Variants in TMEM200B observed in about 807,000 individuals in gnomAD.
TMEM200B encodes transmembrane protein TTMA.
A neutral mutation model predicts 17.6 loss-of-function variants in TMEM200B; 12 were observed. The ratio of observed to expected loss-of-function variants is 0.68; its 90% CI spans 0.44 to 1.11. TMEM200B has a LOEUF of 1.11. Among genes scored for constraint, TMEM200B ranks in the 50% least tolerant of loss-of-function variants. The probability of loss-of-function intolerance (pLI) is 0.00; values close to 1 mark genes in which losing one functional copy is unlikely to be tolerated. For synonymous variants in TMEM200B, 234 were observed against 209.2 expected (o/e 1.12, Z -1.02); for missense variants, 456 against 447.6 (o/e 1.02, Z -0.17).
Position 29,120,922 on chromosome 1 carries a change from A to C in TMEM200B, c.907T>G (p.Leu303Val), listed in dbSNP as rs1671735387. Residue 303 changes from leucine to valine, a missense_variant, in exon 2 of 2, where the codon TTG becomes GTG. Leu to Val is a conservative substitution (Grantham distance 32). Transcript: ENST00000521452. ...CCCTCTCTTCAGACCCGGGCCCCCAAGTCCCCTCCTCCTCCCAATTTGGCA... is the reference window on the plus strand; with the variant it reads ...CCCTCTCTTCAGACCCGGGCCCCCACGTCCCCTCCTCCTCCCAATTTGGCA... ...GYAKLGGGGD[L>V]GARV 1 of 1,606,092 alleles carries C rather than the reference A, an allele frequency of 6.2e-7. No homozygotes were observed. Among genetic ancestry groups the C allele is most frequent in the Non-Finnish European group, 8.5e-7 (1 of 1,175,310 alleles).
Position 29,121,018 on chromosome 1 carries a change from CAAG to C in TMEM200B, c.808_810del (p.Leu270del), listed in dbSNP as rs1165927330. On this transcript the variant is annotated inframe_deletion, in exon 2 of 2. Coordinates refer to ENST00000521452, the MANE Select transcript of TMEM200B (RefSeq NM_001003682.4). This position sits in a 1 kb window ranked among gnomAD's most constrained non-coding sequence, Gnocchi z 5.6. ...GCACAGTCCCGAGCTGCTGGGGCCC[CAAG>C]GAGGAGCTCCCCAAGGCCCAGATCC... The C allele has an allele frequency of 1.9e-6, 3 of 1,613,630 alleles. No homozygotes were observed. Among genetic ancestry groups the C allele is most frequent in the South Asian group, 2.2e-5 (2 of 91,092 alleles).
At position 29,121,192 on chromosome 1, in the gene TMEM200B, G is replaced by T; in HGVS notation, c.637C>A (p.Pro213Thr). 6.2e-7 allele frequency: 1 copy of T among 1,613,486 alleles called. No homozygotes were observed. The highest frequency in any genetic ancestry group is 8.5e-7 in the Non-Finnish European group (1 of 1,180,012). ...AGCAAGGCAGGTAACCCCAAGCGAG[G>T]ATTAGCGGGCTCTGAACGCAGACTC... Reference protein sequence around the residue: ...VRSLRSEPANPRLGLPALLNS... With the variant: ...VRSLRSEPANTRLGLPALLNS... Residue 213 changes from proline to threonine, a missense_variant, in exon 2 of 2, where the codon CCT becomes ACT. Physicochemically the swap from Pro to Thr is conservative, Grantham distance 38 (BLOSUM62 -1). Coordinates refer to ENST00000521452, the MANE Select transcript of TMEM200B (RefSeq NM_001003682.4). This position sits in a 1 kb window ranked among gnomAD's most constrained non-coding sequence, Gnocchi z 5.6.
chr1:29,121,324 G>A lies in TMEM200B; in HGVS notation c.505C>T (p.Leu169Phe), dbSNP rs763080901. 1.3e-5 allele frequency: 20 copies of A among 1,590,296 alleles called. No individual in the cohort carries two copies. The highest frequency in any genetic ancestry group is 1.3e-4 in the Admixed American group (7 of 55,916). Reference sequence around the variant, plus strand: ...CTCCTAGGGCCGGGGCTGGGAAGGAGGGCGCAGTCCCAGCCCGGGCCGTCG... The same window carrying A: ...CTCCTAGGGCCGGGGCTGGGAAGGAAGGCGCAGTCCCAGCCCGGGCCGTCG... ...PPDGPGWDCALLPSPGPRSPR... is the reference protein window; with the variant it reads ...PPDGPGWDCAFLPSPGPRSPR... The change falls in exon 2 of 2, where the codon CTC becomes TTC. Residue 169 changes from leucine (L) to phenylalanine (F), a missense_variant. By Grantham distance (22) the Leu-to-Phe change is conservative. Transcript: ENST00000521452. This position sits in a 1 kb window ranked among gnomAD's most constrained non-coding sequence, Gnocchi z 5.6.
Position 29,123,322 on chromosome 1 carries a change from A to T in TMEM200B, c.-21+534T>A, listed in dbSNP as rs550897951. Among the ~76,000 whole-genome samples, 19 of 152,250 alleles carry T rather than the reference A, an allele frequency of 1.2e-4. No homozygotes were observed. In the Middle Eastern group the frequency reaches 0.014, roughly 109 times the overall value. Reference sequence around the variant, plus strand: ...CTAGGCGGGGGCTCTGCCAGGTCCGACGCCGGGCTCCGGGGCCCCAGCCCT... The same window carrying T: ...CTAGGCGGGGGCTCTGCCAGGTCCGTCGCCGGGCTCCGGGGCCCCAGCCCT... On this transcript the variant is annotated intron_variant, in intron 1 of 1. Coordinates refer to ENST00000521452, the MANE Select transcript of TMEM200B (RefSeq NM_001003682.4).
At chr1:29,122,405 C>A (rs1440862975) in intron 1 of TMEM200B, 1 of 152,600 alleles carries the variant, frequency 6.6e-6, no homozygotes, top group Non-Finnish European at 1.5e-5. Flanking sequence ...CCAGCCTCTC[C>A]CTGCCCGCCC....
Position 29,119,434 on chromosome 1 carries a change from T to G in TMEM200B, c.*1471A>C, listed in dbSNP as rs1050060645. On this transcript the variant is annotated 3_prime_UTR_variant, in exon 2 of 2. Coordinates refer to ENST00000521452, the MANE Select transcript of TMEM200B (RefSeq NM_001003682.4). ...CTCAGACACACCACAGTAACAACTC[T>G]CGCTGCAATTTTATTTTAATTTGAG... 2.9e-4 allele frequency: 44 copies of G among 152,614 alleles called. No individual in the cohort carries two copies. Among genetic ancestry groups the G allele is most frequent in the African/African-American group, 1.0e-3 (42 of 41,450 alleles). The allele number at this position is 152,614 out of a possible 1,614,324, so 9.5% of individuals were successfully genotyped here.
chr1:29,121,668 G>GC lies in TMEM200B; in HGVS notation c.160dup (p.Ala54GlyfsTer85). ...CACGAGCGCCCCCAGCGCCGCGAAC[G>GC]CCCCCGACGGCGAGCGCAGCCGCAG... On this transcript the variant is annotated frameshift_variant, in exon 2 of 2. Coordinates refer to ENST00000521452, the MANE Select transcript of TMEM200B (RefSeq NM_001003682.4). LOFTEE classifies it high-confidence loss of function. The surrounding 1 kb of genome is among the most constrained non-coding windows in gnomAD (Gnocchi z 5.6). 7.2e-7 allele frequency: 1 copy of GC among 1,383,946 alleles called. No homozygotes were observed. The highest frequency in any genetic ancestry group is 9.3e-7 in the Non-Finnish European group (1 of 1,070,982). The allele number at this position is 1,383,946 out of a possible 1,614,324, so 85.7% of individuals were successfully genotyped here. A position where few individuals can be genotyped will look rare whatever the true frequency, so the allele number is the denominator to read the frequency against.
At position 29,121,650 on chromosome 1, in the gene TMEM200B, GC is replaced by G. The variant is rs759155419; in HGVS notation, c.178del (p.Ala60ArgfsTer35). The G allele has an allele frequency of 5.6e-6, 8 of 1,429,904 alleles. No individual in the cohort carries two copies. The highest frequency in any genetic ancestry group is 6.4e-6 in the Non-Finnish European group (7 of 1,096,244). 88.6% of individuals were successfully genotyped at this position (1,429,904 alleles called of 1,614,324 possible). On this transcript the variant is annotated frameshift_variant, in exon 2 of 2. Coordinates refer to ENST00000521452, the MANE Select transcript of TMEM200B (RefSeq NM_001003682.4). LOFTEE classifies it high-confidence loss of function. The surrounding 1 kb of genome is among the most constrained non-coding windows in gnomAD (Gnocchi z 5.6). ...SPSGAFAALG[A>X]LVVLVGMGIA... ...GCCCATACCCACCAGTACCACGAGC[GC>G]CCCCAGCGCCGCGAACGCCCCCGAC...
At position 29,121,986 on chromosome 1, in the gene TMEM200B, G is replaced by T; in HGVS notation, c.-20-138C>A. On this transcript the variant is annotated intron_variant, in intron 1 of 1. Transcript: ENST00000521452. This position sits in a 1 kb window ranked among gnomAD's most constrained non-coding sequence, Gnocchi z 5.6. Reference sequence around the variant, plus strand: ...TTGGAGATCCCTGGCGGCCACCCCCGGATTTTCCCGGGCGGCGAGGCGGGG... The same window carrying T: ...TTGGAGATCCCTGGCGGCCACCCCCTGATTTTCCCGGGCGGCGAGGCGGGG... The T allele has an allele frequency of 1.5e-6, 1 of 646,284 alleles. No individual in the cohort carries two copies. The highest frequency in any genetic ancestry group is 2.1e-6 in the Non-Finnish European group (1 of 481,128). 40.0% of individuals were successfully genotyped at this position (646,284 alleles called of 1,614,324 possible).
Position 29,121,583 on chromosome 1 carries a change from T to G in TMEM200B, c.246A>C (p.Pro82=). 1 of 1,488,626 alleles carries G rather than the reference T, an allele frequency of 6.7e-7. No individual in the cohort carries two copies. The highest frequency in any genetic ancestry group is 2.7e-5 in the East Asian group (1 of 36,472). The allele number at this position is 1,488,626 out of a possible 1,614,324, so 92.2% of individuals were successfully genotyped here. ...AGYWPHRAGA[P]GSRAANASSP... ...AGCTGGCATTGGCGGCCCGGGACCC[T>G]GGGGCCCCGGCCCGGTGCGGCCAGT... is the stretch of plus-strand genomic sequence containing the variant. The change falls in exon 2 of 2, where the codon CCA becomes CCC. Residue 82 remains proline, a synonymous_variant. Transcript: ENST00000521452. The surrounding 1 kb of genome is among the most constrained non-coding windows in gnomAD (Gnocchi z 5.6).
chr1:29,120,600 A>T lies in TMEM200B; in HGVS notation c.*305T>A. 1 of 384,892 alleles carries T rather than the reference A, an allele frequency of 2.6e-6. No homozygotes were observed. Among genetic ancestry groups the T allele is most frequent in the African/African-American group, 2.0e-5 (1 of 49,880 alleles). The allele number at this position is 384,892 out of a possible 1,614,324, so 23.8% of individuals were successfully genotyped here. On this transcript the variant is annotated 3_prime_UTR_variant, in exon 2 of 2. Coordinates refer to ENST00000521452, the MANE Select transcript of TMEM200B (RefSeq NM_001003682.4). ...AAGACACTGGGTACATCTCCCAGTCACCCTGGCCTGGACCTCCAGCCCTGT... is the reference window on the plus strand; with the variant it reads ...AAGACACTGGGTACATCTCCCAGTCTCCCTGGCCTGGACCTCCAGCCCTGT...
At position 29,121,696 on chromosome 1, in the gene TMEM200B, G is replaced by C; in HGVS notation, c.133C>G (p.Arg45Gly). Residue 45 changes from arginine to glycine, a missense_variant, in exon 2 of 2, where the codon CGG becomes GGG. Transcript: ENST00000521452. This position sits in a 1 kb window ranked among gnomAD's most constrained non-coding sequence, Gnocchi z 5.6. ...CCCGACGGCGAGCGCAGCCGCAGCCGCGCCCGCACCCGCAGAGGCTCGGGC... is the reference window on the plus strand; with the variant it reads ...CCCGACGGCGAGCGCAGCCGCAGCCCCGCCCGCACCCGCAGAGGCTCGGGC... ...SPPEPLRVRA[R>G]LRLRSPSGAF... 7.7e-7 allele frequency: 1 copy of C among 1,300,686 alleles called. No homozygotes were observed. The highest frequency in any genetic ancestry group is 2.2e-5 in the South Asian group (1 of 44,640). The allele number at this position is 1,300,686 out of a possible 1,614,324, so 80.6% of individuals were successfully genotyped here.
In TMEM200B at chr1:29,121,439, G is replaced by A. The variant is rs1305716129; in HGVS notation, c.390C>T (p.Ile130=). The change falls in exon 2 of 2, where the codon ATC becomes ATT. Residue 130 remains isoleucine (I), a synonymous_variant. Coordinates refer to ENST00000521452, the MANE Select transcript of TMEM200B (RefSeq NM_001003682.4). The surrounding 1 kb of genome is among the most constrained non-coding windows in gnomAD (Gnocchi z 5.6). The part of the protein sequence containing the change: ...VIMGVGLFVF[I]CANTLLYENR... The stretch of plus-strand genomic sequence containing the variant: ...TCTCATACAGCAGTGTGTTGGCGCA[G>A]ATGAACACGAACAGGCCGACGCCCA... 2.0e-6 allele frequency: 3 copies of A among 1,535,300 alleles called. No individual in the cohort carries two copies. The highest frequency in any genetic ancestry group is 2.0e-5 in the Admixed American group (1 of 50,968).
Position 29,121,333 on chromosome 1 carries a change from C to T in TMEM200B, c.496G>A (p.Asp166Asn). 6.3e-7 allele frequency: 1 copy of T among 1,580,216 alleles called. No individual in the cohort carries two copies. The highest frequency in any genetic ancestry group is 8.6e-7 in the Non-Finnish European group (1 of 1,164,708). The change falls in exon 2 of 2, where the codon GAC (aspartate) becomes AAC (asparagine). Residue 166 changes from aspartate to asparagine, a missense_variant. Asp to Asn is a conservative substitution (Grantham distance 23). Coordinates refer to ENST00000521452, the MANE Select transcript of TMEM200B (RefSeq NM_001003682.4). The surrounding 1 kb of genome is among the most constrained non-coding windows in gnomAD (Gnocchi z 5.6). ...ALRPPDGPGW[D>N]CALLPSPGPR... is the part of the protein sequence containing the mutation. ...CCGGGGCTGGGAAGGAGGGCGCAGTCCCAGCCCGGGCCGTCGGGGGGCCGG... is the reference window on the plus strand; with the variant it reads ...CCGGGGCTGGGAAGGAGGGCGCAGTTCCAGCCCGGGCCGTCGGGGGGCCGG...
At position 29,123,046 on chromosome 1, in the gene TMEM200B, C is replaced by T. The variant is rs1671872742; in HGVS notation, c.-21+810G>A. 4.6e-5 allele frequency among the ~76,000 whole-genome samples: 7 copies of T among 152,236 alleles called. No individual in the cohort carries two copies. The South Asian group carries it at 1.4e-3, about 31-fold the overall frequency. ...GCCTAGCTGTCCAGGGTCGTCCTCACTGCTCGCGTCCGCTTCCTAAAGAAC... is the reference window on the plus strand; with the variant it reads ...GCCTAGCTGTCCAGGGTCGTCCTCATTGCTCGCGTCCGCTTCCTAAAGAAC... On this transcript the variant is annotated intron_variant, in intron 1 of 1. Coordinates refer to ENST00000521452, the MANE Select transcript of TMEM200B (RefSeq NM_001003682.4).
At position 29,120,976 on chromosome 1, in the gene TMEM200B, G is replaced by A. The variant is rs752797108; in HGVS notation, c.853C>T (p.Arg285Trp). The change falls in exon 2 of 2, where the codon CGG becomes TGG. Residue 285 changes from arginine (R) to tryptophan (W), a missense_variant. Arg to Trp is a moderately radical substitution (Grantham distance 101). Coordinates refer to ENST00000521452, the MANE Select transcript of TMEM200B (RefSeq NM_001003682.4). ...CCCCCAAGACTGAGGCGGTCCAGCCGTGGCCAGCTTCGGTGAGCACAGTCC... is the reference window on the plus strand; with the variant it reads ...CCCCCAAGACTGAGGCGGTCCAGCCATGGCCAGCTTCGGTGAGCACAGTCC... ...ARDCAHRSWPRLDRLSLGGYA... is the reference protein window; with the variant it reads ...ARDCAHRSWPWLDRLSLGGYA... 1.2e-5 allele frequency: 20 copies of A among 1,613,670 alleles called. No individual in the cohort carries two copies. The highest frequency in any genetic ancestry group is 1.7e-5 in the Non-Finnish European group (20 of 1,179,966).
rs1256633678 is a variant in TMEM200B, at chr1:29,120,831, T to G, written c.*74A>C. ...ATGTGACTGAAACATCTATTAGACG[T>G]TGGGACTCCTGGTCCTTTGGTCCTA... On this transcript the variant is annotated 3_prime_UTR_variant, in exon 2 of 2. Coordinates refer to ENST00000521452, the MANE Select transcript of TMEM200B (RefSeq NM_001003682.4). 1.4e-6 allele frequency: 2 copies of G among 1,445,460 alleles called. No individual in the cohort carries two copies. The highest frequency in any genetic ancestry group is 2.9e-5 in the South Asian group (2 of 69,460). The allele number at this position is 1,445,460 out of a possible 1,614,324, so 89.5% of individuals were successfully genotyped here.
chr1:29,121,940 C>T lies in TMEM200B; in HGVS notation c.-20-92G>A. On this transcript the variant is annotated intron_variant, in intron 1 of 1. Transcript: ENST00000521452. This position sits in a 1 kb window ranked among gnomAD's most constrained non-coding sequence, Gnocchi z 5.6. The stretch of plus-strand genomic sequence containing the variant: ...GGGCGCAAATCCGGGAGGGAAGCTC[C>T]GGCCGCCCAGCCCAGGCCGCTTGGA... The T allele has an allele frequency of 7.1e-6, 7 of 987,454 alleles. No homozygotes were observed. Among genetic ancestry groups the T allele is most frequent in the Non-Finnish European group, 7.5e-6 (6 of 798,966 alleles). The allele number at this position is 987,454 out of a possible 1,614,324, so 61.2% of individuals were successfully genotyped here. A position where few individuals can be genotyped will look rare whatever the true frequency, so the allele number is the denominator to read the frequency against.
At chr1:29,123,275 G>A (rs938342386) in intron 1 of TMEM200B, among the ~76,000 whole-genome samples, 1 of 152,186 alleles carries the variant, frequency 6.6e-6, no homozygotes, top group African/African-American at 2.4e-5. Flanking sequence ...CAGGGAGGCC[G>A]GGGAGACTGC....
Sources: gnomAD v4.1 joint callset for allele counts (sites outside exome capture counted in the v4.1 genomes callset) on GRCh38, gnomAD v4.1.1 for gene constraint, Gnocchi (gnomAD v3.1) non-coding constraint, MANE v1.5 for transcripts, NCBI Gene and HGNC (gene_info 2026-07-23, HGNC 2026-07-21) for gene names.